KIF5C: variants seen among roughly 807,000 people sequenced by gnomAD.
KIF5C encodes kinesin family member 5C.
Under a neutral mutation model 125.2 loss-of-function variants are expected in KIF5C, and 18 were observed. That is an observed-to-expected ratio of 0.14 (90% CI 0.10 to 0.21). KIF5C has a LOEUF of 0.21. Among genes scored for constraint, KIF5C ranks in the 10% least tolerant of loss-of-function variants. The pLI is 1.00. For missense variants in KIF5C, 780 were observed against 1,183.8 expected (o/e 0.66, Z 5.01); for synonymous variants, 405 against 434.0 (o/e 0.93, Z 0.83).
At chr2:148,950,666 G>A (rs557518557) in intron 10 of KIF5C, among the ~76,000 whole-genome samples, 22 of 152,208 alleles carry the variant, frequency 1.4e-4, no homozygotes, top group African/African-American at 4.3e-4. Flanking sequence ...AAAATTAGCC[G>A]GCCGTGGTGG....
intron 25 of KIF5C, among the ~76,000 whole-genome samples, chr2:149,013,866 G>A (rs2105205444): frequency 6.6e-6 from 1 of 152,238 alleles, no homozygotes; most frequent in East Asian, 1.9e-4. Context: ...AAATCAGTAG[G>A]TCTGGGGAGA....
At chr2:148,910,799 T>G (rs1681304779) in intron 1 of KIF5C, among the ~76,000 whole-genome samples, 1 of 152,214 alleles carries the variant, frequency 6.6e-6, no homozygotes, top group South Asian at 2.1e-4. Context: ...GTGGATCACT[T>G]AGAAGGCCCT....
chr2:148,881,621 C>T (rs995097006), intron 1 of KIF5C, among the ~76,000 whole-genome samples: 4 of 151,974 alleles, frequency 2.6e-5, no homozygotes, highest in Non-Finnish European at 5.9e-5. Context: ...TTGTCTGGCC[C>T]GACTCCCCTA....
At chr2:148,948,095 C>A in intron 8 of KIF5C, 1 of 437,270 alleles carries the variant, frequency 2.3e-6, no homozygotes, top group Non-Finnish European at 4.6e-6. Flanking sequence ...CGCCTGTAAT[C>A]CCAGCACTTT....
At chr2:148,894,439 A>C (rs1477486282) in intron 1 of KIF5C, among the ~76,000 whole-genome samples, 1 of 152,226 alleles carries the variant, frequency 6.6e-6, no homozygotes, top group Non-Finnish European at 1.5e-5. Context: ...TAAATTGAAG[A>C]CATTAGTATA....
intron 10 of KIF5C, among the ~76,000 whole-genome samples, chr2:148,953,973 T>C (rs894260538): frequency 2.0e-5 from 3 of 152,180 alleles, no homozygotes; most frequent in African/African-American, 7.2e-5. Context: ...GGTGGTTTGC[T>C]GCACCCATCA....
chr2:148,927,695 T>C (rs1682056948), intron 2 of KIF5C, among the ~76,000 whole-genome samples: 1 of 152,196 alleles, frequency 6.6e-6, no homozygotes, highest in Admixed American at 6.5e-5. Flanking sequence ...ATATTCATGT[T>C]AGTGTAGAGG....
chr2:148,981,503 A>C lies in KIF5C; in HGVS notation c.1511A>C (p.Glu504Ala), dbSNP rs773921514. The C allele has an allele frequency of 1.6e-5, 25 of 1,607,512 alleles. No homozygotes were observed. Among genetic ancestry groups the C allele is most frequent in the Non-Finnish European group, 2.1e-5 (25 of 1,176,972 alleles). The change falls in exon 14 of 26, where the codon GAA becomes GCA. Residue 504 changes from glutamate (E) to alanine (A), a missense_variant. Around this residue, in one of 2 missense-constraint regions of KIF5C, gnomAD observed 573 missense variants for 742.6 expected, o/e 0.77. Transcript: ENST00000435030. Reference protein sequence around the residue: ...LAVNYDQKSQEVEDKTRANEQ... With the variant: ...LAVNYDQKSQAVEDKTRANEQ... ...GTCAATTATGACCAGAAATCACAGG[A>C]AGTGGAGGATAAGACCCGGGCCAAT...
chr2:148,950,505 G>T, intron 10 of KIF5C, 43 bp downstream of exon 10: 2 of 1,591,866 alleles, frequency 1.3e-6, no homozygotes, highest in East Asian at 2.3e-5. Flanking sequence ...GCTAGGTCTT[G>T]GGTCTTAAGA....
chr2:148,995,216 GTC>G (rs1256234271), intron 17 of KIF5C, among the ~76,000 whole-genome samples: 2 of 152,182 alleles, frequency 1.3e-5, no homozygotes, highest in Non-Finnish European at 2.9e-5. Flanking sequence ...CCCACCCTCA[GTC>G]TGCTCTGGGC....
At chr2:148,979,501 C>T (rs543100678) in intron 13 of KIF5C, among the ~76,000 whole-genome samples, 1 of 152,234 alleles carries the variant, frequency 6.6e-6, no homozygotes, top group East Asian at 1.9e-4. Flanking sequence ...CTTGAACTCC[C>T]GGCCTCTGGC....
chr2:148,998,107 AC>A (rs1681732897), intron 18 of KIF5C: 1 of 420,698 alleles, frequency 2.4e-6, no homozygotes, highest in African/African-American at 2.0e-5. Context: ...CCTCTGACTG[AC>A]CTGGCTGGAG....
chr2:148,954,417 C>G (rs955161381), intron 10 of KIF5C, among the ~76,000 whole-genome samples: 68 of 152,306 alleles, frequency 4.5e-4, no homozygotes, highest in African/African-American at 1.6e-3. Context: ...TTCTCAACTA[C>G]TTTTACAGCG....
At chr2:148,920,719 C>T (rs902843536) in intron 1 of KIF5C, among the ~76,000 whole-genome samples, 2 of 152,186 alleles carry the variant, frequency 1.3e-5, no homozygotes, top group Non-Finnish European at 2.9e-5. Flanking sequence ...ATAAGTAGAA[C>T]ATTAAGCCAT....
Position 149,010,197 on chromosome 2 carries a change from C to G in KIF5C, c.2613C>G (p.Ala871=). The change falls in exon 24 of 26, where the codon GCC becomes GCG. Residue 871 remains alanine, a synonymous_variant. Transcript: ENST00000435030. ...CCAAGCTGGAGAAGCGGCTGCGTGC[C>G]ACGGCGGAGCGCGTCAAGGCTCTGG... ...ELPKLEKRLR[A]TAERVKALES... is the part of the protein sequence containing the mutation. The G allele has an allele frequency of 6.4e-7, 1 of 1,556,788 alleles. No individual in the cohort carries two copies. Among genetic ancestry groups the G allele is most frequent in the African/African-American group, 1.4e-5 (1 of 73,362 alleles).
intron 8 of KIF5C, chr2:148,947,947 C>T (rs1286224301): frequency 6.6e-6 from 3 of 456,584 alleles, no homozygotes; most frequent in Non-Finnish European, 1.3e-5. Flanking sequence ...CAAGTTATGG[C>T]CACTTACATC....
In KIF5C at chr2:148,937,278, C is replaced by T; in HGVS notation, c.292-6C>T. The stretch of plus-strand genomic sequence containing the variant: ...AACTGCCCGTGTTTGTATTTTCGCC[C>T]ACTAGGGGAAGCTGCATGACCCCCA... On this transcript the variant is annotated splice_region_variant and splice_polypyrimidine_tract_variant and intron_variant, in intron 3 of 25. Transcript: ENST00000435030. The T allele has an allele frequency of 6.3e-7, 1 of 1,583,372 alleles. No homozygotes were observed. The highest frequency in any genetic ancestry group is 8.6e-7 in the Non-Finnish European group (1 of 1,163,442).
intron 1 of KIF5C, among the ~76,000 whole-genome samples, chr2:148,909,109 T>C (rs1233485363): frequency 6.6e-6 from 1 of 152,230 alleles, no homozygotes; most frequent in Non-Finnish European, 1.5e-5. Context: ...TTCATTTGCT[T>C]CAAGGTACGT....
At chr2:148,881,059 A>G (rs893526528) in intron 1 of KIF5C, among the ~76,000 whole-genome samples, 7 of 151,966 alleles carry the variant, frequency 4.6e-5, no homozygotes, top group Non-Finnish European at 1.0e-4. Context: ...TTTGGATGAA[A>G]TGAAATGAAG....
Sources: gnomAD v4.1 joint callset for allele counts (sites outside exome capture counted in the v4.1 genomes callset) on GRCh38, gnomAD v4.1.1 for gene constraint, gnomAD v4.1.1 regional missense constraint, MANE v1.5 for transcripts, NCBI Gene and HGNC (gene_info 2026-07-23, HGNC 2026-07-21) for gene names.